Variants in DDX18 observed in about 807,000 individuals in gnomAD.
The protein encoded by DDX18 is ATP-dependent RNA helicase DDX18.
Under a neutral mutation model 73.5 loss-of-function variants are expected in DDX18, and 23 were observed. The ratio of observed to expected loss-of-function variants is 0.31; its 90% CI spans 0.23 to 0.44. The LOEUF (loss-of-function observed/expected upper bound fraction) is 0.44. Ranked by LOEUF, DDX18 falls within the 20% of genes least tolerant of loss-of-function variation. The pLI is 1.00. For missense variants in DDX18, 753 were observed against 792.9 expected, an observed-to-expected ratio of 0.95 and a Z score of 0.60; for synonymous variants, 268 against 282.7, an observed-to-expected ratio of 0.95 and a Z score of 0.52.
chr2:117,814,966 C>A, intron 1 of DDX18, 104 bp downstream of exon 1: 5 of 1,185,822 alleles, frequency 4.2e-6, no homozygotes, highest in East Asian at 2.3e-5. Flanking sequence ...GGCAGCTTCC[C>A]CTGCAGCGTG....
Position 117,819,795 on chromosome 2 carries a change from A to C in DDX18, c.514+3A>C. 1 of 1,566,028 alleles carries C rather than the reference A, an allele frequency of 6.4e-7. No homozygotes were observed. The highest frequency in any genetic ancestry group is 8.6e-7 in the Non-Finnish European group (1 of 1,161,982). ...CAGTCTGCCCCTGGGACTGACAGGT[A>C]ACGTCCAGGAAGTTTTCTAGAGGTA... On this transcript the variant is annotated splice_donor_region_variant and intron_variant, in intron 3 of 13. Coordinates refer to ENST00000263239, the MANE Select transcript of DDX18 (RefSeq NM_006773.4).
At chr2:117,817,159 C>T (rs1006385236) in intron 1 of DDX18, among the ~76,000 whole-genome samples, 6 of 152,156 alleles carry the variant, frequency 3.9e-5, no homozygotes, top group African/African-American at 1.4e-4. Flanking sequence ...AAATATTTGA[C>T]CTCATTGAAG....
chr2:117,814,928 C>A, intron 1 of DDX18, 66 bp downstream of exon 1: 1 of 1,543,678 alleles, frequency 6.5e-7, no homozygotes, highest in Non-Finnish European at 8.9e-7. Flanking sequence ...TTCGGGCGGC[C>A]GGGGGCCCAG....
rs1162781217 is a variant in DDX18 at position 117,831,940 on chromosome 2, T to C, written c.*1216T>C. The stretch of plus-strand genomic sequence containing the variant: ...TAATCATAGGATCCCATTAAATAAG[T>C]GTGCTAACATCGAATATAGAGAAAA... On this transcript the variant is annotated 3_prime_UTR_variant, in exon 14 of 14. Transcript: ENST00000263239. The C allele has an allele frequency of 2.0e-5, 3 of 152,200 alleles. No individual in the cohort carries two copies. The highest frequency in any genetic ancestry group is 2.9e-5 in the Non-Finnish European group (2 of 68,030). The allele number at this position is 152,200 out of a possible 1,614,324, so 9.4% of individuals were successfully genotyped here. A position where few individuals can be genotyped will look rare whatever the true frequency, so the allele number is the denominator to read the frequency against.
At chr2:117,824,738 G>C in intron 8 of DDX18, 30 bp downstream of exon 8, 1 of 1,467,652 alleles carries the variant, frequency 6.8e-7, no homozygotes, top group Non-Finnish European at 9.0e-7. Flanking sequence ...GAAAACTGTA[G>C]GGATCTTACT....
In DDX18 at chr2:117,819,754, A is replaced by G. The variant is rs1254381901; in HGVS notation, c.476A>G (p.Asp159Gly). The G allele has an allele frequency of 1.0e-5, 16 of 1,607,854 alleles. No individual in the cohort carries two copies. Among genetic ancestry groups the G allele is most frequent in the East Asian group, 2.2e-5 (1 of 44,662 alleles). ...GTGGAGAAGCCAGATAATGATGAAGATGAGAGTGAGGTGCCCAGTCTGCCC... is the reference window on the plus strand; with the variant it reads ...GTGGAGAAGCCAGATAATGATGAAGGTGAGAGTGAGGTGCCCAGTCTGCCC... Reference protein sequence around the residue: ...NNVEKPDNDEDESEVPSLPLG... With the variant: ...NNVEKPDNDEGESEVPSLPLG... Residue 159 changes from aspartate (D) to glycine (G), a missense_variant, in exon 3 of 14, where the codon GAT becomes GGT. Physicochemically the swap from Asp to Gly is moderately conservative, Grantham distance 94. Coordinates refer to ENST00000263239, the MANE Select transcript of DDX18 (RefSeq NM_006773.4).
In DDX18 at chr2:117,829,486, A is replaced by G. The variant is rs769030744; in HGVS notation, c.1870+20A>G. On this transcript the variant is annotated intron_variant, in intron 13 of 13. Transcript: ENST00000263239. The stretch of plus-strand genomic sequence containing the variant: ...ATCTGAGTATCCTTTTCTTTAATGA[A>G]GTTATCCTGTGACTAAGGAACAAAA... The G allele has an allele frequency of 3.8e-6, 6 of 1,597,388 alleles. No homozygotes were observed. The Admixed American group carries it at 8.9e-5, about 24-fold the overall frequency.
At position 117,818,402 on chromosome 2, in the gene DDX18, T is replaced by C. The variant is rs1359855373; in HGVS notation, c.370+674T>C. 3.3e-5 allele frequency among the ~76,000 whole-genome samples: 5 copies of C among 152,348 alleles called. No individual in the cohort carries two copies. In the East Asian group the frequency reaches 9.6e-4, roughly 29 times the overall value. ...CCTGCAAAGCCTAAACTATTTACTA[T>C]CTGGCCCTTTGCGGAAAGTTTGCCA... On this transcript the variant is annotated intron_variant, in intron 2 of 13. Transcript: ENST00000263239.
chr2:117,823,452 T>TAC (rs1558733362), intron 7 of DDX18, among the ~76,000 whole-genome samples: 1 of 152,124 alleles, frequency 6.6e-6, no homozygotes, highest in African/African-American at 2.4e-5. Context: ...TATACATATA[T>TAC]ACACACACAC....
chr2:117,828,323 A>T (rs182080305), intron 11 of DDX18: 3 of 152,320 alleles, frequency 2.0e-5, no homozygotes, highest in African/African-American at 7.2e-5. Flanking sequence ...GAATGGGAGA[A>T]AATTTTTGCA....
intron 1 of DDX18, among the ~76,000 whole-genome samples, chr2:117,816,023 C>T (rs892801935): frequency 7.2e-5 from 11 of 152,036 alleles, no homozygotes; most frequent in Non-Finnish European, 1.6e-4. Flanking sequence ...GTATGTATGG[C>T]TAAATATATC....
rs1679722954 is a variant in DDX18 at position 117,814,707 on chromosome 2, G to A, written c.-71G>A. On this transcript the variant is annotated 5_prime_UTR_variant, in exon 1 of 14. Transcript: ENST00000263239. ...GAGCTGCGCACGTGCGGCCGGAAGG[G>A]AAGTAACGTCAGCCTGAGAACTGAG... 1.3e-6 allele frequency: 2 copies of A among 1,501,962 alleles called. No homozygotes were observed. Among genetic ancestry groups the A allele is most frequent in the Admixed American group, 1.8e-5 (1 of 56,252 alleles). 93.0% of individuals were successfully genotyped at this position (1,501,962 alleles called of 1,614,324 possible).
rs758934714 is a variant in DDX18, at chr2:117,818,298, A to G, written c.370+570A>G. ...GGGTCAGCAAACTATCCCTCCTTCT[A>G]CCTGTTTTTGTAAATAAAGTTTTAC... On this transcript the variant is annotated intron_variant, in intron 2 of 13. Transcript: ENST00000263239. Among the ~76,000 whole-genome samples, 6 of 152,128 alleles carry G rather than the reference A, an allele frequency of 3.9e-5. No individual in the cohort carries two copies. In the East Asian group the frequency reaches 1.2e-3, roughly 29 times the overall value.
chr2:117,824,428 T>C, intron 7 of DDX18, 141 bp from the exon 8 acceptor site: 1 of 800,548 alleles, frequency 1.2e-6, no homozygotes, highest in Non-Finnish European at 1.7e-6. Context: ...ATACCCTTTT[T>C]ACCTTTTGTA....
chr2:117,817,973 A>G (rs1243896665), intron 2 of DDX18, among the ~76,000 whole-genome samples: 6 of 152,236 alleles, frequency 3.9e-5, no homozygotes. Flanking sequence ...CCTCTCTCAG[A>G]AAAGACTCTC....
chr2:117,823,682 T>C (rs748304437), intron 7 of DDX18, among the ~76,000 whole-genome samples: 2 of 152,152 alleles, frequency 1.3e-5, no homozygotes, highest in Non-Finnish European at 2.9e-5. Context: ...ACCTCCAGTA[T>C]GGTGCTGAAT....
At chr2:117,829,586 C>A in intron 13 of DDX18, 120 bp downstream of exon 13, 2 of 957,842 alleles carry the variant, frequency 2.1e-6, no homozygotes, top group African/African-American at 1.6e-5. Flanking sequence ...CTCCAGTGTT[C>A]ACCCTGGTCG....
chr2:117,830,181 G>T (rs903579356), intron 13 of DDX18, among the ~76,000 whole-genome samples: 1 of 152,190 alleles, frequency 6.6e-6, no homozygotes, highest in African/African-American at 2.4e-5. Flanking sequence ...GTGGAAGGAA[G>T]AGCAGCTCCT....
chr2:117,828,746 T>C (rs1679974079), intron 11 of DDX18: 8 of 557,594 alleles, frequency 1.4e-5, no homozygotes, highest in Non-Finnish European at 2.6e-5. Flanking sequence ...TCCTTGCCTT[T>C]CAGAAAGAAA....
Sources: allele counts gnomAD v4.1 joint callset (sites outside exome capture counted in the v4.1 genomes callset), GRCh38; gene constraint gnomAD v4.1.1; transcripts MANE v1.5; gene names NCBI Gene and HGNC (gene_info 2026-07-23, HGNC 2026-07-21).